The following NRF1 variants were observed in gnomAD, a reference collection of about 807,000 sequenced individuals.
The protein encoded by NRF1 is alpha palindromic-binding protein.
NRF1 carries 5 observed loss-of-function variants against 58.5 expected under a neutral mutation model. That is an observed-to-expected ratio of 0.09 (90% CI 0.04 to 0.18). The LOEUF is 0.18. Ranked by LOEUF, NRF1 falls within the 10% of genes least tolerant of loss-of-function variation. The probability of loss-of-function intolerance (pLI) is 1.00; values close to 1 mark genes in which losing one functional copy is unlikely to be tolerated. For synonymous variants in NRF1, 224 were observed against 246.7 expected (o/e 0.91, Z 0.86); for missense variants, 288 against 657.7 (o/e 0.44, Z 6.15).
intron 10 of NRF1, among the ~76,000 whole-genome samples, chr7:129,754,532 A>G (rs2116333899): frequency 6.7e-6 from 1 of 148,670 alleles, no homozygotes; most frequent in East Asian, 2.0e-4. Context: ...GTAGAATAAT[A>G]GTTACCAGAG....
At chr7:129,655,770 C>A (rs1012965019) in intron 1 of NRF1, among the ~76,000 whole-genome samples, 5 of 152,194 alleles carry the variant, frequency 3.3e-5, no homozygotes, top group African/African-American at 1.2e-4. Flanking sequence ...GATACACCTG[C>A]CTCGGCCTCC....
intron 1 of NRF1, among the ~76,000 whole-genome samples, chr7:129,613,391 A>G (rs1800585766): frequency 6.6e-6 from 1 of 152,124 alleles, no homozygotes; most frequent in Non-Finnish European, 1.5e-5. Flanking sequence ...TGAAAATATG[A>G]CTAGTTCTCT....
intron 1 of NRF1, among the ~76,000 whole-genome samples, chr7:129,619,427 T>TAC (rs1295058351): frequency 1.1e-4 from 9 of 81,090 alleles, no homozygotes; most frequent in African/African-American, 5.5e-4. Flanking sequence ...TATATATATA[T>TAC]ATATATACAC....
At chr7:129,676,873 C>T (rs1254358518) in intron 3 of NRF1, among the ~76,000 whole-genome samples, 1 of 151,628 alleles carries the variant, frequency 6.6e-6, no homozygotes, top group Non-Finnish European at 1.5e-5. Flanking sequence ...TATTTTTGGA[C>T]AAAATTATCT....
chr7:129,693,542 G>T (rs940746208), intron 5 of NRF1, among the ~76,000 whole-genome samples: 2 of 148,778 alleles, frequency 1.3e-5, no homozygotes, highest in Non-Finnish European at 3.0e-5. Flanking sequence ...ATTTTTTGGC[G>T]TTTTTTTTTT....
intron 1 of NRF1, among the ~76,000 whole-genome samples, chr7:129,640,706 C>T (rs963098803): frequency 3.3e-5 from 5 of 152,122 alleles, no homozygotes; most frequent in Non-Finnish European, 5.9e-5. Context: ...AGCTGGAACA[C>T]TTGATTGAGA....
intron 5 of NRF1, among the ~76,000 whole-genome samples, chr7:129,695,612 G>A (rs1802673498): frequency 2.7e-5 from 4 of 148,584 alleles, no homozygotes; most frequent in Non-Finnish European, 4.5e-5. Flanking sequence ...TTGTAAAGTA[G>A]CATTTCTTAT....
chr7:129,659,093 T>TTTTG, intron 2 of NRF1, among the ~76,000 whole-genome samples: 1 of 147,866 alleles, frequency 6.8e-6, no homozygotes, highest in Admixed American at 6.7e-5. Context: ...TTTTTTTTTT[T>TTTTG]TTTGAGATGG....
intron 4 of NRF1, among the ~76,000 whole-genome samples, chr7:129,681,900 A>G (rs913145074): frequency 2.0e-5 from 3 of 151,294 alleles, no homozygotes; most frequent in East Asian, 3.9e-4. Context: ...AGCCTGGGCA[A>G]CATAGTGGGA....
chr7:129,700,703 A>G (rs191608975), intron 5 of NRF1, among the ~76,000 whole-genome samples: 37 of 152,308 alleles, frequency 2.4e-4, no homozygotes, highest in African/African-American at 8.4e-4. Flanking sequence ...GGATGGTTTG[A>G]GGCCAGGAGT....
intron 1 of NRF1, among the ~76,000 whole-genome samples, chr7:129,647,698 G>A (rs903410718): frequency 2.6e-5 from 4 of 152,026 alleles, no homozygotes; most frequent in Non-Finnish European, 4.4e-5. Flanking sequence ...CCAGCCCAAA[G>A]CTTATTTTTC....
chr7:129,709,254 G>A, intron 6 of NRF1, 21 bp downstream of exon 6: 1 of 1,416,806 alleles, frequency 7.1e-7, no homozygotes, highest in Non-Finnish European at 9.3e-7. Flanking sequence ...CTCTGACTGA[G>A]TTGCCTGGTT....
At chr7:129,673,804 A>G (rs4731613) in intron 3 of NRF1, among the ~76,000 whole-genome samples, 19,421 of 151,446 alleles carry the variant, frequency 0.13, 1,603 homozygotes, top group Admixed American at 0.23. Flanking sequence ...AAACCTGCAC[A>G]TGTATCCCAG....
chr7:129,731,148 G>T (rs552869838), intron 10 of NRF1, among the ~76,000 whole-genome samples: 16 of 152,188 alleles, frequency 1.1e-4, no homozygotes, highest in Non-Finnish European at 2.1e-4. Context: ...GGCAACACCT[G>T]TAATCCCAGC....
intron 9 of NRF1, among the ~76,000 whole-genome samples, chr7:129,721,373 A>G (rs1276764561): frequency 6.6e-6 from 1 of 151,888 alleles, no homozygotes; most frequent in Non-Finnish European, 1.5e-5. Flanking sequence ...ATGGGGAAAT[A>G]TTTAGATTAA....
chr7:129,620,060 A>G (rs1323537013), intron 1 of NRF1, among the ~76,000 whole-genome samples: 1 of 152,132 alleles, frequency 6.6e-6, no homozygotes, highest in Non-Finnish European at 1.5e-5. Context: ...AAGGGCCTTT[A>G]CTAAATGTTA....
intron 1 of NRF1, among the ~76,000 whole-genome samples, chr7:129,635,478 C>G (rs933860042): frequency 5.9e-5 from 9 of 152,050 alleles, no homozygotes; most frequent in African/African-American, 1.9e-4. Flanking sequence ...TTGTATAATT[C>G]TGTTTGTATG....
intron 3 of NRF1, among the ~76,000 whole-genome samples, chr7:129,674,352 A>G (rs1802126533): frequency 6.6e-6 from 1 of 152,184 alleles, no homozygotes; most frequent in Non-Finnish European, 1.5e-5. Flanking sequence ...AGTACATAAA[A>G]AAGTTGTGTT....
chr7:129,636,208 T>C (rs1337464057), intron 1 of NRF1, among the ~76,000 whole-genome samples: 1 of 147,916 alleles, frequency 6.8e-6, no homozygotes, highest in East Asian at 2.0e-4. Flanking sequence ...GTCTCCATCA[T>C]CCTGTTTTTG....
Sources: allele counts gnomAD v4.1 joint callset (sites outside exome capture counted in the v4.1 genomes callset), GRCh38; gene constraint gnomAD v4.1.1; transcripts MANE v1.5; gene names NCBI Gene and HGNC (gene_info 2026-07-23, HGNC 2026-07-21).